Variants in TMEM272 observed in about 807,000 individuals in gnomAD.
TMEM272 encodes the protein transmembrane protein 272.
Under a neutral mutation model 3.7 loss-of-function variants are expected in TMEM272, and 8 were observed. That is an observed-to-expected ratio of 2.17 (90% CI 1.27 to 3.91). TMEM272 has a LOEUF of 3.91. Ranked by LOEUF, TMEM272 falls within the 30% of genes most tolerant of loss-of-function variation. TMEM272 has a pLI of 0.00. For missense variants in TMEM272, 166 were observed against 91.5 expected (o/e 1.81, Z -3.32); for synonymous variants, 63 against 39.8 (o/e 1.58, Z -2.20).
At chr13:51,830,588 T>G (rs1306347510) in intron 2 of TMEM272, among the ~76,000 whole-genome samples, 1 of 152,236 alleles carries the variant, frequency 6.6e-6, no homozygotes, top group African/African-American at 2.4e-5. Context: ...TGGCACATAA[T>G]AAACACCGAT....
chr13:51,818,996 G>A (rs909030919), intron 4 of TMEM272, among the ~76,000 whole-genome samples: 1 of 152,150 alleles, frequency 6.6e-6, no homozygotes, highest in South Asian at 2.1e-4. Context: ...TGATTAAATC[G>A]GAGGAAATTA....
the TMEM272 span, among the ~76,000 whole-genome samples, chr13:51,852,367 T>G: frequency 6.6e-6 from 1 of 152,348 alleles, no homozygotes; most frequent in South Asian, 2.1e-4. Context: ...TTTCAGAAGC[T>G]CTTTATAAAA....
chr13:51,903,479 TCAGTTG>T, the TMEM272 span, among the ~76,000 whole-genome samples: 2 of 152,164 alleles, frequency 1.3e-5, no homozygotes, highest in Non-Finnish European at 2.9e-5. Context: ...TGACGATGTC[TCAGTTG>T]TCACTTCAGG....
chr13:51,916,661 C>T, the TMEM272 span, among the ~76,000 whole-genome samples: 39 of 152,098 alleles, frequency 2.6e-4, no homozygotes, highest in South Asian at 7.3e-3. Context: ...TTCCCTGGGG[C>T]GCCATTGGCC....
the TMEM272 span, among the ~76,000 whole-genome samples, chr13:51,916,715 CTTAAGT>C: frequency 6.6e-6 from 1 of 152,160 alleles, no homozygotes; most frequent in African/African-American, 2.4e-5. Context: ...CCAAGAAATC[CTTAAGT>C]TTCATCTTTT....
chr13:51,863,645 CTG>C, the TMEM272 span, among the ~76,000 whole-genome samples: 6 of 150,792 alleles, frequency 4.0e-5, no homozygotes, highest in Non-Finnish European at 8.8e-5. Flanking sequence ...AGCCTAGCCA[CTG>C]TGTCTTCATA....
At chr13:51,926,496 A>G in the TMEM272 span, among the ~76,000 whole-genome samples, 3 of 152,100 alleles carry the variant, frequency 2.0e-5, no homozygotes, top group East Asian at 5.8e-4. Flanking sequence ...GAGTAAACCC[A>G]TGGATGACAC....
At chr13:51,826,673 C>T (rs1956128639) in intron 2 of TMEM272, 48 bp from the exon 3 acceptor site, 1 of 701,678 alleles carries the variant, frequency 1.4e-6, no homozygotes, top group South Asian at 1.5e-5. Context: ...CACACAGACC[C>T]CTGCATTTCC....
At chr13:51,867,536 C>T in the TMEM272 span, among the ~76,000 whole-genome samples, 2 of 152,104 alleles carry the variant, frequency 1.3e-5, no homozygotes, top group African/African-American at 4.8e-5. Flanking sequence ...TGAACAAATA[C>T]CCTTGGTGCC....
At chr13:51,826,365 A>G (rs1344759287) in intron 3 of TMEM272, among the ~76,000 whole-genome samples, 1 of 152,144 alleles carries the variant, frequency 6.6e-6, no homozygotes, top group Non-Finnish European at 1.5e-5. Flanking sequence ...TACTGCACTG[A>G]TATCTCCCAG....
intron 1 of TMEM272, among the ~76,000 whole-genome samples, chr13:51,843,802 T>C (rs998021512): frequency 2.6e-5 from 4 of 152,264 alleles, no homozygotes; most frequent in Admixed American, 2.6e-4. Context: ...TGCTGCTTCC[T>C]CTCCTAGCAG....
chr13:51,887,789 C>T, the TMEM272 span, among the ~76,000 whole-genome samples: 1 of 152,206 alleles, frequency 6.6e-6, no homozygotes, highest in African/African-American at 2.4e-5. Context: ...CCTTCTCCTC[C>T]CATTCTGGAA....
At chr13:51,885,095 C>T in the TMEM272 span, among the ~76,000 whole-genome samples, 15 of 152,298 alleles carry the variant, frequency 9.8e-5, no homozygotes, top group African/African-American at 3.6e-4. Flanking sequence ...AAGTGAGCAC[C>T]TGACCCATTT....
At chr13:51,871,182 C>T in the TMEM272 span, among the ~76,000 whole-genome samples, 1 of 135,688 alleles carries the variant, frequency 7.4e-6, no homozygotes, top group South Asian at 2.5e-4. Context: ...AAGAAAAATG[C>T]AGAGTATGAC....
chr13:51,886,945 A>G, the TMEM272 span, among the ~76,000 whole-genome samples: 1 of 152,214 alleles, frequency 6.6e-6, no homozygotes, highest in African/African-American at 2.4e-5. Flanking sequence ...TAACTTGAAG[A>G]TCTTTACCTT....
rs988214415 is a variant in TMEM272 at position 51,813,534 on chromosome 13, C to G, written c.*3217G>C. 3 of 335,378 alleles carry G rather than the reference C, an allele frequency of 8.9e-6. No homozygotes were observed. Among genetic ancestry groups the G allele is most frequent in the Non-Finnish European group, 1.6e-5 (3 of 186,738 alleles). The allele number at this position is 335,378 out of a possible 1,614,324, so 20.8% of individuals were successfully genotyped here. ...CCTCATGGTGACAACCAGGATGGGC[C>G]TGACATAAGCCAGTCCAGGCTGTAT... On this transcript the variant is annotated 3_prime_UTR_variant, in exon 5 of 5. Transcript: ENST00000629372.
chr13:51,862,192 G>A, the TMEM272 span: 1 of 152,238 alleles, frequency 6.6e-6, no homozygotes, highest in East Asian at 1.9e-4. Flanking sequence ...CCCCCTCTGA[G>A]GGCTACAGGA....
chr13:51,904,380 T>C, the TMEM272 span, among the ~76,000 whole-genome samples: 1 of 152,198 alleles, frequency 6.6e-6, no homozygotes, highest in South Asian at 2.1e-4. Context: ...ATTCTTATGA[T>C]GACCCTAAGG....
chr13:51,891,799 A>C, the TMEM272 span, among the ~76,000 whole-genome samples: 2 of 152,126 alleles, frequency 1.3e-5, no homozygotes, highest in Non-Finnish European at 2.9e-5. Context: ...AGTATTTGGA[A>C]AGAGTATTTG....
Sources: gnomAD v4.1 joint callset for allele counts (sites outside exome capture counted in the v4.1 genomes callset) on GRCh38, gnomAD v4.1.1 for gene constraint, MANE v1.5 for transcripts, NCBI Gene and HGNC (gene_info 2026-07-23, HGNC 2026-07-21) for gene names.